RYR3: variants seen among roughly 807,000 people sequenced by gnomAD.
The protein encoded by RYR3 is brain ryanodine receptor-calcium release channel.
Under a neutral mutation model 584.3 loss-of-function variants are expected in RYR3, and 207 were observed. The ratio of observed to expected loss-of-function variants is 0.35; its 90% CI spans 0.32 to 0.40. The LOEUF (loss-of-function observed/expected upper bound fraction) is 0.40. Among genes scored for constraint, RYR3 ranks in the 10% least tolerant of loss-of-function variants. The pLI, the probability that RYR3 is intolerant of heterozygous loss-of-function variation, is 1.00. For synonymous variants in RYR3, 2,416 were observed against 2,248.5 expected (o/e 1.07, Z -2.11); for missense variants, 5,616 against 6,089.2 (o/e 0.92, Z 2.59).
chr15:33,840,622 C>T lies in RYR3; in HGVS notation c.12979-203C>T. On this transcript the variant is annotated intron_variant, in intron 89 of 103. Transcript: ENST00000634891. ...AGTTATAGAAGGGAGGTTGAGTTTT[C>T]AAGTTTCAAATCTTTGTCTTGGCAT... 3 of 598,604 alleles carry T rather than the reference C, an allele frequency of 5.0e-6. No homozygotes were observed. In the South Asian group the frequency reaches 6.3e-5, roughly 13 times the overall value. 37.1% of individuals were successfully genotyped at this position (598,604 alleles called of 1,614,324 possible).
At position 33,543,659 on chromosome 15, in the gene RYR3, T is replaced by C. The variant is rs879678102; in HGVS notation, c.684T>C (p.His228=). Residue 228 remains histidine (H), a synonymous_variant, in exon 8 of 104, where the codon CAT becomes CAC. Transcript: ENST00000634891. ...LLGGHVVRLF[H]GHDECLTIPS... ...GTGGGCATGTAGTACGTCTTTTCCA[T>C]GGTCATGATGAATGTTTGACGATAC... is the stretch of plus-strand genomic sequence containing the variant. 3 of 1,612,924 alleles carry C rather than the reference T, an allele frequency of 1.9e-6. No homozygotes were observed. The highest frequency in any genetic ancestry group is 2.5e-6 in the Non-Finnish European group (3 of 1,178,994).
At chr15:33,343,139 C>T (rs1349294137) in intron 1 of RYR3, among the ~76,000 whole-genome samples, 3 of 152,176 alleles carry the variant, frequency 2.0e-5, no homozygotes, top group African/African-American at 7.2e-5. Context: ...AGCAAGTGCA[C>T]AGAACTCTCT....
chr15:33,713,448 G>A (rs1236376618), intron 43 of RYR3, among the ~76,000 whole-genome samples: 1 of 151,924 alleles, frequency 6.6e-6, no homozygotes, highest in African/African-American at 2.4e-5. Flanking sequence ...TGATGGTTGG[G>A]TGGTGCATGG....
intron 3 of RYR3, among the ~76,000 whole-genome samples, chr15:33,520,920 T>C (rs1054282459): frequency 2.0e-5 from 3 of 152,202 alleles, no homozygotes; most frequent in South Asian, 2.1e-4. Flanking sequence ...AACTCAGTCA[T>C]TTAATTTGTT....
intron 40 of RYR3, among the ~76,000 whole-genome samples, chr15:33,698,518 A>T (rs940075133): frequency 6.6e-6 from 1 of 152,220 alleles, no homozygotes; most frequent in Non-Finnish European, 1.5e-5. Context: ...GGGATAGGAC[A>T]CAACTGGACA....
chr15:33,532,921 A>T (rs2055007003), intron 4 of RYR3, among the ~76,000 whole-genome samples: 2 of 152,164 alleles, frequency 1.3e-5, no homozygotes, highest in Admixed American at 1.3e-4. Flanking sequence ...GTTCAAGACC[A>T]GCCTGGGAAA....
chr15:33,635,813 C>T lies in RYR3; in HGVS notation c.3375C>T (p.Gly1125=), dbSNP rs777145698. 1 of 1,611,314 alleles carries T rather than the reference C, an allele frequency of 6.2e-7. No homozygotes were observed. The highest frequency in any genetic ancestry group is 8.5e-7 in the Non-Finnish European group (1 of 1,179,394). The change falls in exon 26 of 104, where the codon GGC becomes GGT. Residue 1125 remains glycine (G), a synonymous_variant. Coordinates refer to ENST00000634891, the MANE Select transcript of RYR3 (RefSeq NM_001036.6). ...GADDQAFVFE[G]NRGQRWHQGS... ...ATGACCAAGCCTTTGTGTTTGAAGG[C>T]AACAGGGTGAGTTTATATATCTAGC...
intron 1 of RYR3, among the ~76,000 whole-genome samples, chr15:33,340,178 G>C (rs2140821104): frequency 6.6e-6 from 1 of 152,280 alleles, no homozygotes; most frequent in African/African-American, 2.4e-5. Context: ...AACGCTTTAA[G>C]GAAGGACCAC....
At position 33,397,219 on chromosome 15, in the gene RYR3, T is replaced by C. The variant is rs138420254; in HGVS notation, c.52-76200T>C. Among the ~76,000 whole-genome samples the C allele has an allele frequency of 3.5e-3, 526 of 152,238 alleles. 2 individuals are homozygous for C. The highest frequency in any genetic ancestry group is 9.5e-3 in the African/African-American group (393 of 41,552). On this transcript the variant is annotated intron_variant, in intron 1 of 103. Transcript: ENST00000634891. ...CAGCCAAGACCAGAGACAGGAACTTTGAAGGAGGAGGGGTAGGGATAGGAC... is the reference window on the plus strand; with the variant it reads ...CAGCCAAGACCAGAGACAGGAACTTCGAAGGAGGAGGGGTAGGGATAGGAC...
rs141343176 is a variant in RYR3 at position 33,419,526 on chromosome 15, A to G, written c.52-53893A>G. On this transcript the variant is annotated intron_variant, in intron 1 of 103. Transcript: ENST00000634891. ...TATCATTCATTTATTTTTAATCTGT[A>G]TGCTTTCATTTGGAACTTAGTTTGA... 1.7e-3 allele frequency among the ~76,000 whole-genome samples: 260 copies of G among 152,146 alleles called. 1 individual carries two copies. Among genetic ancestry groups the G allele is most frequent in the Non-Finnish European group, 2.0e-3 (136 of 67,984 alleles).
intron 1 of RYR3, among the ~76,000 whole-genome samples, chr15:33,347,114 C>T (rs996474455): frequency 2.6e-5 from 4 of 152,056 alleles, no homozygotes; most frequent in Non-Finnish European, 5.9e-5. Flanking sequence ...TTGGTGCTGA[C>T]CTTGATCACC....
At chr15:33,481,996 A>G (rs1278237530) in intron 2 of RYR3, among the ~76,000 whole-genome samples, 1 of 151,938 alleles carries the variant, frequency 6.6e-6, no homozygotes, top group Non-Finnish European at 1.5e-5. Flanking sequence ...GGGAAGAAGA[A>G]CCTTTTATAA....
At chr15:33,377,252 T>C (rs1234230991) in intron 1 of RYR3, among the ~76,000 whole-genome samples, 9 of 152,220 alleles carry the variant, frequency 5.9e-5, no homozygotes, top group Admixed American at 5.9e-4. Context: ...CTTGCTCATG[T>C]CACATGAGTT....
Position 33,581,726 on chromosome 15 carries a change from C to T in RYR3, c.1573+83C>T, listed in dbSNP as rs1429528951. On this transcript the variant is annotated intron_variant, in intron 14 of 103. Transcript: ENST00000634891. The stretch of plus-strand genomic sequence containing the variant: ...AATCCCAAGATTGTCTTTAACTTGC[C>T]ATTAACCCTGTGATACTTGGACTGC... The T allele has an allele frequency of 1.1e-5, 14 of 1,251,986 alleles. No homozygotes were observed. In the East Asian group the frequency reaches 1.6e-4, roughly 15 times the overall value. 77.6% of individuals were successfully genotyped at this position (1,251,986 alleles called of 1,614,324 possible).
intron 1 of RYR3, among the ~76,000 whole-genome samples, chr15:33,437,888 A>G (rs979837629): frequency 1.3e-5 from 2 of 152,060 alleles, no homozygotes; most frequent in Admixed American, 1.3e-4. Context: ...CCACCTGGCT[A>G]TTTTTTAAAT....
intron 18 of RYR3, among the ~76,000 whole-genome samples, chr15:33,611,029 A>G (rs577954803): frequency 6.6e-6 from 1 of 152,342 alleles, no homozygotes; most frequent in South Asian, 2.1e-4. Context: ...CACAGAAAAC[A>G]TTAAATAGTT....
At chr15:33,541,104 A>C (rs2055779914) in intron 7 of RYR3, among the ~76,000 whole-genome samples, 1 of 151,318 alleles carries the variant, frequency 6.6e-6, no homozygotes, top group Non-Finnish European at 1.5e-5. Flanking sequence ...TTTTTTTTTT[A>C]ACCCCTTGGA....
At chr15:33,496,059 A>C (rs1190245252) in intron 2 of RYR3, among the ~76,000 whole-genome samples, 1 of 152,186 alleles carries the variant, frequency 6.6e-6, no homozygotes, top group African/African-American at 2.4e-5. Context: ...ATCCAGTTCC[A>C]CTGTACCCCA....
chr15:33,508,867 T>C (rs796846039), intron 3 of RYR3, among the ~76,000 whole-genome samples: 6 of 152,326 alleles, frequency 3.9e-5, no homozygotes, highest in African/African-American at 1.4e-4. Flanking sequence ...GCATGGTTGC[T>C]AGTGAAATGG....
Sources: allele counts gnomAD v4.1 joint callset (sites outside exome capture counted in the v4.1 genomes callset), GRCh38; gene constraint gnomAD v4.1.1; transcripts MANE v1.5; gene names NCBI Gene and HGNC (gene_info 2026-07-23, HGNC 2026-07-21).